The following CNTNAP2 variants were observed in gnomAD, a reference collection of about 807,000 sequenced individuals.
CNTNAP2 encodes contactin associated protein 2, also known as contactin-associated protein-like 2.
In CNTNAP2, 98 loss-of-function variants were observed where a neutral mutation model predicts 155.2. The ratio of observed to expected loss-of-function variants is 0.63; its 90% confidence interval spans 0.54 to 0.75. The LOEUF (loss-of-function observed/expected upper bound fraction) is 0.75. Ranked by LOEUF, CNTNAP2 falls within the 30% of genes least tolerant of loss-of-function variation. The pLI, the probability that CNTNAP2 is intolerant of heterozygous loss-of-function variation, is 0.00. For synonymous variants in CNTNAP2, 651 were observed against 631.2 expected, an observed-to-expected ratio of 1.03 and a Z score of -0.47; for missense variants, 1,727 against 1,688.1, an observed-to-expected ratio of 1.02 and a Z score of -0.40.
At chr7:146,221,686 T>C (rs1458761901) in intron 1 of CNTNAP2, among the ~76,000 whole-genome samples, 1 of 152,228 alleles carries the variant, frequency 6.6e-6, no homozygotes, top group Non-Finnish European at 1.5e-5. Context: ...GATTACTGAA[T>C]GACTAAAAAA....
chr7:146,137,035 G>C (rs1584767140), intron 1 of CNTNAP2, among the ~76,000 whole-genome samples: 1 of 152,086 alleles, frequency 6.6e-6, no homozygotes, highest in Non-Finnish European at 1.5e-5. Flanking sequence ...TTTGAAAAGG[G>C]GAAAATGTTG....
chr7:146,197,289 C>T (rs1798791158), intron 1 of CNTNAP2, among the ~76,000 whole-genome samples: 1 of 152,136 alleles, frequency 6.6e-6, no homozygotes, highest in Non-Finnish European at 1.5e-5. Flanking sequence ...TTTGTAGGAA[C>T]TTACTAAAGA....
intron 1 of CNTNAP2, among the ~76,000 whole-genome samples, chr7:146,192,037 C>A (rs1203442430): frequency 1.3e-5 from 2 of 152,060 alleles, no homozygotes; most frequent in African/African-American, 2.4e-5. Context: ...ATGAAATCTT[C>A]ATAATTTATG....
chr7:146,125,491 G>A lies in CNTNAP2; in HGVS notation c.97+8518G>A, dbSNP rs550843850. ...CTTGGAAGGCTAAGGCAGGAGAATG[G>A]CGTGAACCCAGGAGGCGGAGCTTGC... On this transcript the variant is annotated intron_variant, in intron 1 of 23. Transcript: ENST00000361727. Among the ~76,000 whole-genome samples, 70 of 150,464 alleles carry A rather than the reference G, an allele frequency of 4.7e-4. No individual in the cohort carries two copies. In the Middle Eastern group the frequency reaches 0.014, roughly 30 times the overall value.
chr7:147,109,272 A>G (rs1219541289), intron 5 of CNTNAP2, among the ~76,000 whole-genome samples: 1 of 152,188 alleles, frequency 6.6e-6, no homozygotes. Context: ...AAATAATTTT[A>G]GTGGTACATT....
chr7:148,076,277 GA>G (rs892423426), intron 15 of CNTNAP2, among the ~76,000 whole-genome samples: 2 of 152,022 alleles, frequency 1.3e-5, no homozygotes, highest in African/African-American at 4.8e-5. Flanking sequence ...GCATGTTGTT[GA>G]TATCTAGAGA....
At chr7:147,253,402 T>C (rs2116664297) in intron 8 of CNTNAP2, among the ~76,000 whole-genome samples, 1 of 151,558 alleles carries the variant, frequency 6.6e-6, no homozygotes, top group South Asian at 2.1e-4. Flanking sequence ...TTTTTTTTTT[T>C]TAGAAAAAGA....
intron 4 of CNTNAP2, among the ~76,000 whole-genome samples, chr7:147,084,550 A>T (rs1800229187): frequency 6.9e-6 from 1 of 145,546 alleles, no homozygotes; most frequent in African/African-American, 2.5e-5. Context: ...ATATATAATA[A>T]TATAATAATA....
chr7:147,982,705 C>T (rs1056295921), intron 15 of CNTNAP2, among the ~76,000 whole-genome samples: 2 of 152,072 alleles, frequency 1.3e-5, no homozygotes, highest in Non-Finnish European at 2.9e-5. Flanking sequence ...AGGATCATAA[C>T]CTGCCATTCC....
chr7:147,945,236 A>AT (rs1800798397), intron 14 of CNTNAP2, among the ~76,000 whole-genome samples: 1 of 152,202 alleles, frequency 6.6e-6, no homozygotes, highest in South Asian at 2.1e-4. Context: ...ATTTCAATCT[A>AT]TGAAATGTGA....
At chr7:146,632,851 T>C (rs887280964) in intron 1 of CNTNAP2, among the ~76,000 whole-genome samples, 2 of 152,070 alleles carry the variant, frequency 1.3e-5, no homozygotes, top group Admixed American at 1.3e-4. Context: ...TAGTAAAAGA[T>C]TTATTGCTTC....
At chr7:146,350,896 G>T (rs992873537) in intron 1 of CNTNAP2, among the ~76,000 whole-genome samples, 5 of 151,802 alleles carry the variant, frequency 3.3e-5, no homozygotes, top group Admixed American at 1.3e-4. Context: ...GGATGAAACT[G>T]GAAACCATCA....
intron 8 of CNTNAP2, among the ~76,000 whole-genome samples, chr7:147,292,459 A>G (rs925902957): frequency 2.6e-5 from 4 of 151,856 alleles, no homozygotes; most frequent in Non-Finnish European, 5.9e-5. Flanking sequence ...ATATTTAAGG[A>G]TTTTTTTTGC....
intron 15 of CNTNAP2, among the ~76,000 whole-genome samples, chr7:147,993,418 CAGAT>C (rs755794734): frequency 6.6e-6 from 1 of 152,160 alleles, no homozygotes; most frequent in Non-Finnish European, 1.5e-5. Flanking sequence ...TTAAGTACAA[CAGAT>C]AGATAGATGC....
At chr7:147,260,083 C>A (rs569019160) in intron 8 of CNTNAP2, among the ~76,000 whole-genome samples, 2 of 152,066 alleles carry the variant, frequency 1.3e-5, no homozygotes, top group Non-Finnish European at 2.9e-5. Context: ...AATGTTTTTC[C>A]GCGGAAACTA....
chr7:146,382,183 G>T (rs1204058604), intron 1 of CNTNAP2, among the ~76,000 whole-genome samples: 1 of 152,190 alleles, frequency 6.6e-6, no homozygotes, highest in Admixed American at 6.5e-5. Context: ...TATGAGGCAA[G>T]AACTAAGAAG....
intron 4 of CNTNAP2, among the ~76,000 whole-genome samples, chr7:147,088,098 C>T (rs1463009714): frequency 6.6e-6 from 1 of 152,200 alleles, no homozygotes; most frequent in African/African-American, 2.4e-5. Flanking sequence ...TTGCAGCTTC[C>T]ACTAATCAAT....
chr7:147,026,810 A>T (rs1284154961), intron 3 of CNTNAP2, among the ~76,000 whole-genome samples: 1 of 151,812 alleles, frequency 6.6e-6, no homozygotes, highest in Non-Finnish European at 1.5e-5. Flanking sequence ...TTATTCAAAA[A>T]GGCAGATTCA....
chr7:146,918,361 T>C (rs936641117), intron 3 of CNTNAP2, among the ~76,000 whole-genome samples: 7 of 152,214 alleles, frequency 4.6e-5, no homozygotes, highest in Admixed American at 1.3e-4. Flanking sequence ...TTAGCAGTTC[T>C]TATAGTGCTG....
Sources: gnomAD v4.1 joint callset for allele counts (sites outside exome capture counted in the v4.1 genomes callset) on GRCh38, gnomAD v4.1.1 for gene constraint, MANE v1.5 for transcripts, NCBI Gene and HGNC (gene_info 2026-07-23, HGNC 2026-07-21) for gene names.